Variants in CDC14A observed in about 807,000 individuals in gnomAD.
CDC14A encodes dual specificity protein phosphatase CDC14A.
In CDC14A, 53 loss-of-function variants were observed where a neutral mutation model predicts 74.4. The ratio of observed to expected loss-of-function variants is 0.71; its 90% CI spans 0.57 to 0.89. The LOEUF (loss-of-function observed/expected upper bound fraction) is 0.89, where lower values mean the gene tolerates loss of function less well. Ranked by LOEUF, CDC14A falls within the 40% of genes least tolerant of loss-of-function variation. The pLI, the probability that CDC14A is intolerant of heterozygous loss-of-function variation, is 0.00. For missense variants in CDC14A, 646 were observed against 713.7 expected, an observed-to-expected ratio of 0.91 and a Z score of 1.08; for synonymous variants, 247 against 258.4, an observed-to-expected ratio of 0.96 and a Z score of 0.43.
At chr1:100,478,645 G>T (rs541372570) in intron 10 of CDC14A, among the ~76,000 whole-genome samples, 1 of 152,176 alleles carries the variant, frequency 6.6e-6, no homozygotes, top group East Asian at 1.9e-4. Context: ...GCTCTTGCAG[G>T]AAGTTTTGGC....
chr1:100,404,754 C>T (rs1465381017), intron 4 of CDC14A, among the ~76,000 whole-genome samples: 3 of 151,848 alleles, frequency 2.0e-5, no homozygotes, highest in Admixed American at 6.6e-5. Context: ...CGCTTGAACC[C>T]GGGAGGCGGA....
At chr1:100,487,155 A>T (rs1332095751) in intron 11 of CDC14A, among the ~76,000 whole-genome samples, 1 of 152,250 alleles carries the variant, frequency 6.6e-6, no homozygotes. Context: ...CTTTTAAAAA[A>T]AAGATTAAAA....
At chr1:100,393,612 G>C (rs1198328543) in intron 4 of CDC14A, 1 of 671,024 alleles carries the variant, frequency 1.5e-6, no homozygotes, top group Non-Finnish European at 2.8e-6. Flanking sequence ...CAGCACTGCA[G>C]CTGCTTCCTG....
chr1:100,382,722 G>A (rs549271978), intron 3 of CDC14A, among the ~76,000 whole-genome samples: 20 of 152,212 alleles, frequency 1.3e-4, no homozygotes, highest in African/African-American at 4.8e-4. Flanking sequence ...TTTAAAAAAG[G>A]ATTAAAGGAG....
chr1:100,463,600 A>G (rs748327117), intron 9 of CDC14A, among the ~76,000 whole-genome samples: 1 of 152,254 alleles, frequency 6.6e-6, no homozygotes, highest in African/African-American at 2.4e-5. Flanking sequence ...TAGATAAACA[A>G]TGAATACTTT....
At chr1:100,505,601 T>C (rs1199477236) in intron 15 of CDC14A, among the ~76,000 whole-genome samples, 1 of 152,214 alleles carries the variant, frequency 6.6e-6, no homozygotes, top group Non-Finnish European at 1.5e-5. Flanking sequence ...TTACTGATTG[T>C]TTGAATATCC....
chr1:100,449,000 A>G (rs891078229), intron 7 of CDC14A, among the ~76,000 whole-genome samples: 3 of 152,258 alleles, frequency 2.0e-5, no homozygotes, highest in African/African-American at 4.8e-5. Context: ...ATGCTTATCA[A>G]TTTAGTTGTG....
At chr1:100,345,581 C>A (rs1356385322) in intron 1 of CDC14A, among the ~76,000 whole-genome samples, 1 of 152,172 alleles carries the variant, frequency 6.6e-6, no homozygotes, top group Non-Finnish European at 1.5e-5. Flanking sequence ...CTCCAGGCTA[C>A]AAAGTAACTG....
chr1:100,406,781 C>T (rs1031156469), intron 4 of CDC14A, among the ~76,000 whole-genome samples: 1 of 151,974 alleles, frequency 6.6e-6, no homozygotes, highest in Admixed American at 6.6e-5. Flanking sequence ...AAAAAATTAG[C>T]CAGGCTTGGT....
At chr1:100,430,275 T>TC (rs1209106622) in intron 5 of CDC14A, among the ~76,000 whole-genome samples, 3 of 152,206 alleles carry the variant, frequency 2.0e-5, no homozygotes, top group African/African-American at 7.2e-5. Flanking sequence ...AACAGGAATA[T>TC]CCAAGTTTTC....
chr1:100,500,761 A>G (rs1648612063), intron 15 of CDC14A, among the ~76,000 whole-genome samples: 1 of 150,340 alleles, frequency 6.7e-6, no homozygotes, highest in South Asian at 2.1e-4. Context: ...AAAAAAAAAA[A>G]AAAAAAAAAG....
intron 4 of CDC14A, among the ~76,000 whole-genome samples, chr1:100,412,718 ATATATTTT>A (rs1409582721): frequency 1.0e-5 from 1 of 100,310 alleles, no homozygotes; most frequent in Non-Finnish European, 1.7e-5. Flanking sequence ...ATATATATAT[ATATATTTT>A]ATATATATAT....
intron 5 of CDC14A, among the ~76,000 whole-genome samples, chr1:100,438,177 AC>A (rs1293353732): frequency 6.6e-6 from 1 of 152,164 alleles, no homozygotes; most frequent in Non-Finnish European, 1.5e-5. Context: ...CAGTTATCAG[AC>A]TTGCCACTAG....
chr1:100,389,105 G>T (rs970152223), intron 3 of CDC14A, among the ~76,000 whole-genome samples: 1 of 133,770 alleles, frequency 7.5e-6, no homozygotes, highest in Admixed American at 7.1e-5. Context: ...AGGCTGAGAG[G>T]TCAAGGCTGC....
intron 7 of CDC14A, among the ~76,000 whole-genome samples, chr1:100,453,410 T>C (rs1167068560): frequency 6.6e-6 from 1 of 152,242 alleles, no homozygotes; most frequent in Admixed American, 6.5e-5. Context: ...TCTTGATGAT[T>C]AGTGCATACC....
At chr1:100,469,406 A>G (rs677281) in intron 10 of CDC14A, among the ~76,000 whole-genome samples, 142,430 of 152,242 alleles carry the variant, frequency 0.94, 67,171 homozygotes, top group Non-Finnish European at 1. Flanking sequence ...CAAAGACAGG[A>G]ATTTCTCTCT....
chr1:100,504,857 GC>G, intron 15 of CDC14A: 2 of 1,535,662 alleles, frequency 1.3e-6, no homozygotes, highest in Non-Finnish European at 1.7e-6. Flanking sequence ...TTTCTTGGAA[GC>G]CCCCTGCTCT....
At chr1:100,453,212 G>A (rs1666320823) in intron 7 of CDC14A, among the ~76,000 whole-genome samples, 1 of 152,012 alleles carries the variant, frequency 6.6e-6, no homozygotes, top group South Asian at 2.1e-4. Context: ...TGTATCTTAG[G>A]GATCCCCTTG....
intron 15 of CDC14A, among the ~76,000 whole-genome samples, chr1:100,513,383 A>AG (rs1221055876): frequency 2.6e-5 from 4 of 152,188 alleles, no homozygotes; most frequent in Non-Finnish European, 4.4e-5. Flanking sequence ...AACTTAAACC[A>AG]GGGATAACTA....
Sources: gnomAD v4.1 joint callset for allele counts (sites outside exome capture counted in the v4.1 genomes callset) on GRCh38, gnomAD v4.1.1 for gene constraint, MANE v1.5 for transcripts, NCBI Gene and HGNC (gene_info 2026-07-23, HGNC 2026-07-21) for gene names.